The following DENND1B variants were observed in gnomAD, a reference collection of about 807,000 sequenced individuals.
The protein encoded by DENND1B is DENN domain containing 1B, also known as DENN domain-containing protein 1B.
In DENND1B, 59 loss-of-function variants were observed where a neutral mutation model predicts 90.1. The ratio of observed to expected loss-of-function variants is 0.65; its 90% CI spans 0.53 to 0.81. DENND1B has a LOEUF of 0.81. DENND1B is among the 40% of genes least tolerant of loss of function. The pLI is 0.00. For missense variants in DENND1B, 862 were observed against 912.6 expected (o/e 0.94, Z 0.71); for synonymous variants, 337 against 324.6 (o/e 1.04, Z -0.41).
chr1:197,585,357 A>C (rs1674607845), intron 14 of DENND1B, among the ~76,000 whole-genome samples: 1 of 152,254 alleles, frequency 6.6e-6, no homozygotes, highest in South Asian at 2.1e-4. Flanking sequence ...ATTACAAAGT[A>C]ATCAGGACTA....
chr1:197,736,249 A>G, intron 2 of DENND1B: 1 of 403,048 alleles, frequency 2.5e-6, no homozygotes, highest in Non-Finnish European at 4.6e-6. Flanking sequence ...ATTGAACTTG[A>G]ATAGCAAAAA....
chr1:197,685,510 G>A (rs1201092033), intron 3 of DENND1B: 1 of 151,870 alleles, frequency 6.6e-6, no homozygotes, highest in Non-Finnish European at 1.5e-5. Flanking sequence ...TCAGCAAGGT[G>A]TACTAAAAAA....
At chr1:197,623,459 A>G (rs1678357128) in intron 10 of DENND1B, among the ~76,000 whole-genome samples, 1 of 151,554 alleles carries the variant, frequency 6.6e-6, no homozygotes, top group South Asian at 2.1e-4. Context: ...AACATTAACT[A>G]CTAAATAGTC....
intron 14 of DENND1B, among the ~76,000 whole-genome samples, chr1:197,583,707 CCTT>C (rs1169330760): frequency 6.6e-6 from 1 of 152,054 alleles, no homozygotes; most frequent in African/African-American, 2.4e-5. Context: ...TTTACAATCA[CCTT>C]CTCTTCATGA....
chr1:197,735,484 T>A (rs1012784773), intron 2 of DENND1B: 24 of 1,563,362 alleles, frequency 1.5e-5, no homozygotes, highest in Admixed American at 1.9e-5. Context: ...GAAGAAGTGA[T>A]CTAAAGTTTT....
intron 10 of DENND1B, among the ~76,000 whole-genome samples, chr1:197,631,713 T>C (rs894156885): frequency 6.6e-6 from 1 of 151,598 alleles, no homozygotes; most frequent in East Asian, 1.9e-4. Flanking sequence ...TAAATAAGAA[T>C]AAACAATTAT....
chr1:197,760,641 CAAA>C (rs1265014598), intron 2 of DENND1B, among the ~76,000 whole-genome samples: 9 of 72,182 alleles, frequency 1.2e-4, no homozygotes, highest in East Asian at 4.5e-4. Context: ...GACCTTGTCT[CAAA>C]AAAAAAAAAA....
chr1:197,511,999 A>G, intron 21 of DENND1B, 55 bp from the exon 22 acceptor site: 1 of 1,338,004 alleles, frequency 7.5e-7, no homozygotes, highest in Admixed American at 2.1e-5. Flanking sequence ...TGCTGCATGT[A>G]AGTAATCTCT....
chr1:197,577,136 T>TTC (rs1393840499), intron 15 of DENND1B, among the ~76,000 whole-genome samples: 1 of 151,890 alleles, frequency 6.6e-6, no homozygotes, highest in Non-Finnish European at 1.5e-5. Context: ...AGGGAAGACT[T>TTC]TAGAGAGATG....
chr1:197,683,349 A>G lies in DENND1B; in HGVS notation c.127-9180T>C, dbSNP rs557806229. Among the ~76,000 whole-genome samples, 9 of 152,270 alleles carry G rather than the reference A, an allele frequency of 5.9e-5. No homozygotes were observed. The East Asian group carries it at 1.2e-3, about 20-fold the overall frequency. On this transcript the variant is annotated intron_variant, in intron 3 of 22. Transcript: ENST00000620048. Reference sequence around the variant, plus strand: ...AAGGAAGGGATATGATTGGACTTCAATTTTAGCAAGATCACTCTGGCTATA... The same window carrying G: ...AAGGAAGGGATATGATTGGACTTCAGTTTTAGCAAGATCACTCTGGCTATA...
At chr1:197,756,484 A>G (rs556223501) in intron 2 of DENND1B, among the ~76,000 whole-genome samples, 1 of 150,964 alleles carries the variant, frequency 6.6e-6, no homozygotes, top group South Asian at 2.1e-4. Flanking sequence ...CTGAGGCAGA[A>G]GAATCTTTTT....
chr1:197,576,276 C>T (rs1165707116), intron 15 of DENND1B, among the ~76,000 whole-genome samples: 1 of 151,998 alleles, frequency 6.6e-6, no homozygotes, highest in African/African-American at 2.4e-5. Context: ...AATGTGATTG[C>T]ATATTACATT....
At chr1:197,601,429 C>T (rs190071531) in intron 13 of DENND1B, among the ~76,000 whole-genome samples, 6 of 151,380 alleles carry the variant, frequency 4.0e-5, no homozygotes, top group African/African-American at 7.3e-5. Context: ...ATATTACACA[C>T]AAAAAGTTGC....
At chr1:197,656,610 A>G (rs570549858) in intron 6 of DENND1B, among the ~76,000 whole-genome samples, 23 of 152,206 alleles carry the variant, frequency 1.5e-4, no homozygotes, top group African/African-American at 3.6e-4. Context: ...GACCAGCCTA[A>G]GCAACATAGT....
chr1:197,627,851 G>A (rs1247375270), intron 10 of DENND1B, among the ~76,000 whole-genome samples: 2 of 152,200 alleles, frequency 1.3e-5, no homozygotes, highest in African/African-American at 4.8e-5. Context: ...CAAAATCAAT[G>A]TACAAAAATC....
intron 20 of DENND1B, among the ~76,000 whole-genome samples, chr1:197,529,183 G>A (rs1033043522): frequency 2.2e-5 from 3 of 135,198 alleles, no homozygotes; most frequent in Non-Finnish European, 1.5e-5. Flanking sequence ...TATTTTTCCC[G>A]ACATGAAATA....
At chr1:197,678,456 A>T (rs1434307781) in intron 3 of DENND1B, among the ~76,000 whole-genome samples, 2 of 152,180 alleles carry the variant, frequency 1.3e-5, no homozygotes, top group East Asian at 3.9e-4. Context: ...TTCTGAAAAG[A>T]TGATTACTTA....
chr1:197,704,825 G>A (rs1659369153), intron 3 of DENND1B, among the ~76,000 whole-genome samples: 1 of 151,672 alleles, frequency 6.6e-6, no homozygotes, highest in Non-Finnish European at 1.5e-5. Context: ...AGGTAAGTTT[G>A]AGACAACATT....
intron 10 of DENND1B, among the ~76,000 whole-genome samples, chr1:197,627,488 C>G (rs190070174): frequency 2.0e-5 from 3 of 152,084 alleles, no homozygotes; most frequent in Non-Finnish European, 4.4e-5. Flanking sequence ...ACACTTCATG[C>G]TAAAAACTCT....
Sources: gnomAD v4.1 joint callset for allele counts (sites outside exome capture counted in the v4.1 genomes callset) on GRCh38, gnomAD v4.1.1 for gene constraint, MANE v1.5 for transcripts, NCBI Gene and HGNC (gene_info 2026-07-23, HGNC 2026-07-21) for gene names.